Variants in DPP10 observed in about 807,000 individuals in gnomAD.
DPP10 encodes dipeptidyl peptidase like 10.
A neutral mutation model predicts 120.9 loss-of-function variants in DPP10; 33 were observed. The observed-to-expected ratio is 0.27, with a 90% CI of 0.21 to 0.37. The LOEUF (loss-of-function observed/expected upper bound fraction) is 0.37. Ranked by LOEUF, DPP10 falls within the 10% of genes least tolerant of loss-of-function variation. The probability of loss-of-function intolerance (pLI) is 1.00; values close to 1 mark genes in which losing one functional copy is unlikely to be tolerated. For synonymous variants in DPP10, 337 were observed against 326.1 expected, an observed-to-expected ratio of 1.03 and a Z score of -0.36; for missense variants, 816 against 942.8, an observed-to-expected ratio of 0.87 and a Z score of 1.76.
At chr2:114,983,754 A>G (rs966274581) in intron 1 of DPP10, among the ~76,000 whole-genome samples, 1 of 152,214 alleles carries the variant, frequency 6.6e-6, no homozygotes, top group African/African-American at 2.4e-5. Flanking sequence ...CAAGTCAAGC[A>G]CTTTTTAAAT....
intron 3 of DPP10, among the ~76,000 whole-genome samples, chr2:115,476,965 C>G (rs1055323936): frequency 1.3e-5 from 2 of 152,034 alleles, no homozygotes; most frequent in African/African-American, 4.8e-5. Context: ...AAAATTAATA[C>G]CCTTTCGTGA....
intron 1 of DPP10, among the ~76,000 whole-genome samples, chr2:114,687,222 G>A (rs953713442): frequency 4.0e-5 from 6 of 151,882 alleles, no homozygotes; most frequent in Admixed American, 3.9e-4. Flanking sequence ...TTCCCCATCT[G>A]ACCTTTATGG....
At chr2:115,838,331 G>A (rs1397405628) in intron 24 of DPP10, among the ~76,000 whole-genome samples, 1 of 152,122 alleles carries the variant, frequency 6.6e-6, no homozygotes, top group Non-Finnish European at 1.5e-5. Flanking sequence ...TGTACTCATT[G>A]TATGTCAGAA....
intron 1 of DPP10, among the ~76,000 whole-genome samples, chr2:115,261,574 A>T (rs952388336): frequency 6.6e-6 from 1 of 152,166 alleles, no homozygotes; most frequent in African/African-American, 2.4e-5. Flanking sequence ...CACTTCTTCA[A>T]TACATGTGCT....
At chr2:114,834,625 GTATATATAAGCCATATCTACA>G in intron 1 of DPP10, among the ~76,000 whole-genome samples, 1 of 128,972 alleles carries the variant, frequency 7.8e-6, no homozygotes, top group African/African-American at 3.1e-5. Context: ...AAGCACCTAT[GTATATATAAGCCATATCTACA>G]CACCTATGTA....
intron 1 of DPP10, among the ~76,000 whole-genome samples, chr2:114,762,144 A>G (rs114716661): frequency 0.017 from 2,587 of 152,300 alleles, 71 homozygotes; most frequent in African/African-American, 0.059. Context: ...CTTAGCTTTA[A>G]TTACATGGTT....
chr2:114,692,186 T>C (rs1268454448), intron 1 of DPP10, among the ~76,000 whole-genome samples: 1 of 152,092 alleles, frequency 6.6e-6, no homozygotes, highest in Non-Finnish European at 1.5e-5. Flanking sequence ...GGTTGTTAAC[T>C]TGAGATCTTT....
At chr2:115,480,669 G>A (rs923052088) in intron 3 of DPP10, among the ~76,000 whole-genome samples, 6 of 152,070 alleles carry the variant, frequency 3.9e-5, no homozygotes, top group African/African-American at 1.4e-4. Flanking sequence ...GCAGACTGTG[G>A]CTCTTATCTG....
Position 115,841,922 on chromosome 2 carries a change from T to A in DPP10, c.2257-289T>A, listed in dbSNP as rs540588572. ...CAAGGGCCTTTAGTCAAAAAGAAAC[T>A]GTCCAAAGTTTAGTCAAGCTGAGGG... On this transcript the variant is annotated intron_variant, in intron 25 of 25. Coordinates refer to ENST00000410059, the MANE Select transcript of DPP10 (RefSeq NM_020868.6). Among the ~76,000 whole-genome samples, 148 of 152,274 alleles carry A rather than the reference T, an allele frequency of 9.7e-4. 2 individuals carry two copies. The highest frequency in any genetic ancestry group is 5.9e-5 in the Non-Finnish European group (4 of 68,004).
chr2:115,453,659 A>G (rs563693543), intron 3 of DPP10, among the ~76,000 whole-genome samples: 5 of 151,608 alleles, frequency 3.3e-5, no homozygotes, highest in Non-Finnish European at 5.9e-5. Flanking sequence ...GGGAATTTAT[A>G]GTTTTAAATG....
chr2:114,923,796 G>A (rs1451118363), intron 1 of DPP10, among the ~76,000 whole-genome samples: 1 of 152,054 alleles, frequency 6.6e-6, no homozygotes, highest in Non-Finnish European at 1.5e-5. Context: ...GTACTCAATA[G>A]CAAAATTTTA....
intron 3 of DPP10, among the ~76,000 whole-genome samples, chr2:115,459,605 G>T (rs1387434890): frequency 6.6e-6 from 1 of 151,650 alleles, no homozygotes; most frequent in Non-Finnish European, 1.5e-5. Context: ...TAATTCTTTG[G>T]GAGTGACCAC....
chr2:115,768,145 T>C (rs1033605804), intron 12 of DPP10, 152 bp from the exon 13 acceptor site: 2 of 617,602 alleles, frequency 3.2e-6, no homozygotes, highest in East Asian at 3.1e-5. Context: ...GTTTAAAAAA[T>C]AGCATACATT....
At chr2:115,038,762 A>G (rs907739220) in intron 1 of DPP10, among the ~76,000 whole-genome samples, 4 of 152,196 alleles carry the variant, frequency 2.6e-5, no homozygotes, top group Non-Finnish European at 4.4e-5. Context: ...CTCTCGCTTT[A>G]CAAGTAAGGA....
intron 1 of DPP10, among the ~76,000 whole-genome samples, chr2:114,630,817 T>C (rs1694865026): frequency 6.6e-6 from 1 of 152,148 alleles, no homozygotes; most frequent in African/African-American, 2.4e-5. Flanking sequence ...CCCCAACCTC[T>C]CTGCCCTTCT....
chr2:115,748,276 A>T (rs1678262225), intron 10 of DPP10, among the ~76,000 whole-genome samples: 1 of 151,006 alleles, frequency 6.6e-6, no homozygotes, highest in Non-Finnish European at 1.5e-5. Context: ...TATTTTTATA[A>T]TCTTTAGGTT....
chr2:115,519,000 A>G (rs984207643), intron 4 of DPP10, among the ~76,000 whole-genome samples: 2 of 152,174 alleles, frequency 1.3e-5, no homozygotes, highest in Non-Finnish European at 1.5e-5. Flanking sequence ...TGAACTTCAC[A>G]TAAATAATTT....
chr2:114,884,344 T>C (rs1324541372), intron 1 of DPP10, among the ~76,000 whole-genome samples: 1 of 152,208 alleles, frequency 6.6e-6, no homozygotes, highest in Non-Finnish European at 1.5e-5. Flanking sequence ...AAGTCTAAAA[T>C]AGGTCTCACT....
intron 1 of DPP10, among the ~76,000 whole-genome samples, chr2:114,977,014 G>C (rs1239355468): frequency 6.6e-6 from 1 of 151,994 alleles, no homozygotes; most frequent in African/African-American, 2.4e-5. Flanking sequence ...CCAGCAGCTT[G>C]ATAGTCAAGA....
Sources: allele counts gnomAD v4.1 joint callset (sites outside exome capture counted in the v4.1 genomes callset), GRCh38; gene constraint gnomAD v4.1.1; transcripts MANE v1.5; gene names NCBI Gene and HGNC (gene_info 2026-07-23, HGNC 2026-07-21).